The following CEP112 variants were observed in gnomAD, a reference collection of about 807,000 sequenced individuals.
CEP112 encodes the protein centrosomal protein of 112 kDa.
Under a neutral mutation model 153.0 loss-of-function variants are expected in CEP112, and 127 were observed. The ratio of observed to expected loss-of-function variants is 0.83; its 90% CI spans 0.72 to 0.96. CEP112 has a LOEUF of 0.96. CEP112 is among the 40% of genes least tolerant of loss of function. The pLI, the probability that CEP112 is intolerant of heterozygous loss-of-function variation, is 0.00. For synonymous variants in CEP112, 358 were observed against 374.4 expected (o/e 0.96, Z 0.51); for missense variants, 1,089 against 1,101.2 (o/e 0.99, Z 0.16).
intron 20 of CEP112, among the ~76,000 whole-genome samples, 153 bp downstream of exon 20, chr17:65,901,986 GGGGGGGGGGGGGT>G (rs1456649335): frequency 4.8e-5 from 2 of 41,746 alleles, no homozygotes; most frequent in African/African-American, 1.7e-4. Flanking sequence ...CCCAAAACGG[GGGGGGGGGGGGGT>G]GGGGGGGAGA....
intron 23 of CEP112, among the ~76,000 whole-genome samples, chr17:65,715,357 T>C (rs543964045): frequency 5.1e-4 from 78 of 151,854 alleles, no homozygotes; most frequent in Admixed American, 1.2e-3. Flanking sequence ...AGAGAAAGAA[T>C]AGAGAGAAAA....
intron 20 of CEP112, among the ~76,000 whole-genome samples, chr17:65,863,933 A>G (rs2058397075): frequency 6.6e-6 from 1 of 151,460 alleles, no homozygotes; most frequent in Non-Finnish European, 1.5e-5. Context: ...CATGAGGTGA[A>G]GAGATCGAGA....
chr17:66,188,275 CCACACACACAAACACACA>C lies in CEP112; in HGVS notation c.-9+3704_-9+3721del, dbSNP rs1315243252. ...TTTGCATTTAGGCCTGTCTCTCACA[CCACACACACAAACACACA>C]CACACACACACACACACACACACAC... On this transcript the variant is annotated intron_variant, in intron 1 of 26. Coordinates refer to ENST00000535342, the MANE Select transcript of CEP112 (RefSeq NM_001199165.4). 1.4e-3 allele frequency among the ~76,000 whole-genome samples: 164 copies of C among 120,746 alleles called. 2 individuals are homozygous for C. In the Middle Eastern group the frequency reaches 0.016, roughly 12 times the overall value. 79.2% of individuals were successfully genotyped at this position (120,746 alleles called of 152,430 possible). A position where few individuals can be genotyped will look rare whatever the true frequency, so the allele number is the denominator to read the frequency against.
chr17:65,743,020 T>G, intron 23 of CEP112, 48 bp downstream of exon 23: 1 of 1,491,174 alleles, frequency 6.7e-7, no homozygotes, highest in South Asian at 1.3e-5. Flanking sequence ...CTCCTTTTAA[T>G]TACATTAAAG....
At chr17:65,917,444 A>G (rs2060534676) in intron 19 of CEP112, among the ~76,000 whole-genome samples, 1 of 149,914 alleles carries the variant, frequency 6.7e-6, no homozygotes, top group South Asian at 2.2e-4. Flanking sequence ...GGAGCCCCAC[A>G]AATCCATGGT....
intron 20 of CEP112, among the ~76,000 whole-genome samples, chr17:65,898,762 G>GGTT (rs1450978477): frequency 1.3e-5 from 2 of 152,058 alleles, no homozygotes; most frequent in Non-Finnish European, 2.9e-5. Flanking sequence ...AATGGCTGCT[G>GGTT]GTTACCCTAG....
chr17:66,140,218 T>C (rs2070630754), intron 4 of CEP112, among the ~76,000 whole-genome samples: 1 of 152,028 alleles, frequency 6.6e-6, no homozygotes, highest in Admixed American at 6.5e-5. Context: ...CATGACGAAA[T>C]TCAATATTTT....
intron 21 of CEP112, among the ~76,000 whole-genome samples, chr17:65,763,777 T>C (rs1160771514): frequency 1.3e-5 from 2 of 152,142 alleles, no homozygotes; most frequent in African/African-American, 4.8e-5. Flanking sequence ...ATTCCTGGTC[T>C]GATAATTTTA....
chr17:65,641,436 C>G (rs1219202049), intron 24 of CEP112, among the ~76,000 whole-genome samples: 2 of 152,202 alleles, frequency 1.3e-5, no homozygotes, highest in Non-Finnish European at 2.9e-5. Flanking sequence ...AAGCTGTCAT[C>G]TGAGGACAAC....
intron 20 of CEP112, among the ~76,000 whole-genome samples, chr17:65,870,480 T>C (rs2058637316): frequency 6.6e-6 from 1 of 152,170 alleles, no homozygotes; most frequent in Non-Finnish European, 1.5e-5. Context: ...ATTTATTATA[T>C]AAATTAAATG....
intron 21 of CEP112, among the ~76,000 whole-genome samples, chr17:65,813,872 C>T (rs1022473313): frequency 7.4e-4 from 112 of 152,160 alleles, no homozygotes; most frequent in African/African-American, 2.6e-3. Flanking sequence ...CAGAGAAGAT[C>T]GTTCATTTTT....
chr17:65,927,730 C>A (rs773881765), intron 18 of CEP112, 41 bp from the exon 19 acceptor site: 2 of 1,247,098 alleles, frequency 1.6e-6, no homozygotes, highest in East Asian at 5.3e-5. Context: ...TTTAAACAAA[C>A]AATTGTGTTC....
chr17:66,039,472 T>A (rs1230812309), intron 12 of CEP112, among the ~76,000 whole-genome samples: 1 of 152,026 alleles, frequency 6.6e-6, no homozygotes, highest in Non-Finnish European at 1.5e-5. Flanking sequence ...AGAAGAAGAA[T>A]TTATCCATGA....
intron 10 of CEP112, among the ~76,000 whole-genome samples, chr17:66,065,313 A>G (rs1598276225): frequency 6.6e-6 from 1 of 152,170 alleles, no homozygotes; most frequent in African/African-American, 2.4e-5. Flanking sequence ...CAAGACCCAG[A>G]GACAACTTGC....
At chr17:65,903,541 G>T (rs1018113754) in intron 19 of CEP112, among the ~76,000 whole-genome samples, 1 of 152,150 alleles carries the variant, frequency 6.6e-6, no homozygotes, top group African/African-American at 2.4e-5. Flanking sequence ...TGATTAAAGA[G>T]TAGCGGGTAC....
intron 21 of CEP112, among the ~76,000 whole-genome samples, chr17:65,752,303 G>A (rs6504342): frequency 0.53 from 80,156 of 151,848 alleles, 21,723 homozygotes; most frequent in East Asian, 0.78. Flanking sequence ...ATATGTATGG[G>A]TTTGTGGATG....
chr17:65,966,356 T>C (rs1323799863), intron 17 of CEP112, among the ~76,000 whole-genome samples: 4 of 152,230 alleles, frequency 2.6e-5, no homozygotes, highest in African/African-American at 4.8e-5. Flanking sequence ...AGCTAACATG[T>C]ATATGTACAG....
chr17:65,968,799 T>C (rs2062510221), intron 17 of CEP112, among the ~76,000 whole-genome samples: 2 of 152,214 alleles, frequency 1.3e-5, no homozygotes, highest in South Asian at 4.1e-4. Context: ...TGACTGGAAG[T>C]CCAAAATAGT....
chr17:65,753,626 T>A (rs537670790), intron 21 of CEP112, among the ~76,000 whole-genome samples: 157 of 152,318 alleles, frequency 1.0e-3, no homozygotes, highest in African/African-American at 3.8e-3. Flanking sequence ...ACTCTGAACC[T>A]CTTGAGGTTT....
Sources: allele counts gnomAD v4.1 joint callset (sites outside exome capture counted in the v4.1 genomes callset), GRCh38; gene constraint gnomAD v4.1.1; transcripts MANE v1.5; gene names NCBI Gene and HGNC (gene_info 2026-07-23, HGNC 2026-07-21).